Variants in EPHA6 observed in about 807,000 individuals in gnomAD.
EPHA6 encodes EPH receptor A6, also known as ephrin type-A receptor 6.
In EPHA6, 50 loss-of-function variants were observed where a neutral mutation model predicts 112.0. The observed-to-expected ratio is 0.45, with a 90% CI of 0.36 to 0.56. EPHA6 has a LOEUF of 0.56. EPHA6 is among the 20% of genes least tolerant of loss of function. The pLI, the probability that EPHA6 is intolerant of heterozygous loss-of-function variation, is 0.00. For synonymous variants in EPHA6, 529 were observed against 490.7 expected, an observed-to-expected ratio of 1.08 and a Z score of -1.03; for missense variants, 1,280 against 1,417.4, an observed-to-expected ratio of 0.90 and a Z score of 1.56.
chr3:97,341,286 A>T (rs912644408), intron 5 of EPHA6, among the ~76,000 whole-genome samples: 1 of 152,184 alleles, frequency 6.6e-6, no homozygotes, highest in African/African-American at 2.4e-5. Flanking sequence ...GGCTAAAAAA[A>T]AGCAAATTAG....
chr3:97,038,797 G>A lies in EPHA6; in HGVS notation c.1114+50804G>A, dbSNP rs866622364. ...TTTTCCAGTGTGGAAATTGTGAGTC[G>A]GGGGGAAATGTTCCACCTGCTAGGT... On this transcript the variant is annotated intron_variant, in intron 3 of 17. Coordinates refer to ENST00000389672, the MANE Select transcript of EPHA6 (RefSeq NM_001080448.3). Among the ~76,000 whole-genome samples the A allele has an allele frequency of 4.0e-5, 6 of 151,522 alleles. No individual in the cohort carries two copies. The Middle Eastern group carries it at 0.014, about 344-fold the overall frequency.
At chr3:97,575,427 T>C (rs1303422189) in intron 11 of EPHA6, among the ~76,000 whole-genome samples, 2 of 152,136 alleles carry the variant, frequency 1.3e-5, no homozygotes, top group Non-Finnish European at 2.9e-5. Context: ...GCAAGTTAAG[T>C]GCAGTATATA....
At chr3:97,371,344 A>C (rs2085041797) in intron 5 of EPHA6, among the ~76,000 whole-genome samples, 1 of 152,122 alleles carries the variant, frequency 6.6e-6, no homozygotes, top group Non-Finnish European at 1.5e-5. Context: ...GAAGAACATA[A>C]ATTGTGAAGA....
At chr3:97,459,621 G>A (rs751197123) in intron 7 of EPHA6, among the ~76,000 whole-genome samples, 6 of 152,140 alleles carry the variant, frequency 3.9e-5, no homozygotes, top group Admixed American at 3.3e-4. Context: ...ACAGCAGTGA[G>A]CTTCCCGTAA....
intron 11 of EPHA6, among the ~76,000 whole-genome samples, chr3:97,542,218 A>C (rs1435552178): frequency 2.6e-5 from 4 of 151,712 alleles, no homozygotes; most frequent in Non-Finnish European, 5.9e-5. Flanking sequence ...CATTAGGTAT[A>C]TCTCCTAATG....
At chr3:97,298,129 A>G (rs556500956) in intron 5 of EPHA6, among the ~76,000 whole-genome samples, 1 of 152,290 alleles carries the variant, frequency 6.6e-6, no homozygotes, top group East Asian at 1.9e-4. Flanking sequence ...CCTTTGATAG[A>G]TTTTTAAATC....
At chr3:97,027,807 AACT>A in intron 3 of EPHA6, among the ~76,000 whole-genome samples, 1 of 152,178 alleles carries the variant, frequency 6.6e-6, no homozygotes, top group South Asian at 2.1e-4. Flanking sequence ...TTGTGGCCGT[AACT>A]ACTATTAGGA....
intron 4 of EPHA6, among the ~76,000 whole-genome samples, chr3:97,236,772 AG>A (rs2078691662): frequency 6.6e-6 from 1 of 152,080 alleles, no homozygotes; most frequent in Non-Finnish European, 1.5e-5. Context: ...TGGTTTCTTT[AG>A]TGCTGGAATA....
At chr3:97,031,631 G>A (rs2108018007) in intron 3 of EPHA6, among the ~76,000 whole-genome samples, 1 of 152,238 alleles carries the variant, frequency 6.6e-6, no homozygotes, top group Non-Finnish European at 1.5e-5. Flanking sequence ...CAAAAAGTGG[G>A]CAAAGGACAT....
At position 97,181,587 on chromosome 3, in the gene EPHA6, G is replaced by A. The variant is rs527814620; in HGVS notation, c.1115-44677G>A. 4.1e-3 allele frequency among the ~76,000 whole-genome samples: 625 copies of A among 150,888 alleles called. 4 individuals are homozygous for A. Among genetic ancestry groups the A allele is most frequent in the African/African-American group, 0.014 (575 of 40,694 alleles). On this transcript the variant is annotated intron_variant, in intron 3 of 17. Coordinates refer to ENST00000389672, the MANE Select transcript of EPHA6 (RefSeq NM_001080448.3). ...AAATAGCAGAAGTGTATATATATAT[G>A]TGTGTGTGTGTATATATGTGTGTGT...
intron 2 of EPHA6, among the ~76,000 whole-genome samples, chr3:96,937,306 G>C (rs2040646375): frequency 6.6e-6 from 1 of 152,124 alleles, no homozygotes; most frequent in African/African-American, 2.4e-5. Flanking sequence ...ATTCTAATTG[G>C]TGTGAGATGG....
At chr3:97,360,137 C>G (rs563448624) in intron 5 of EPHA6, among the ~76,000 whole-genome samples, 2 of 152,268 alleles carry the variant, frequency 1.3e-5, no homozygotes, top group African/African-American at 4.8e-5. Flanking sequence ...CCCTGGCTCC[C>G]ACAAGCTGTG....
intron 3 of EPHA6, among the ~76,000 whole-genome samples, chr3:97,072,805 A>G (rs1011115105): frequency 1.3e-5 from 2 of 152,262 alleles, no homozygotes; most frequent in African/African-American, 2.4e-5. Flanking sequence ...GCCCATTACC[A>G]TAGGTTAACT....
chr3:96,866,137 A>G (rs2036297026), intron 1 of EPHA6, among the ~76,000 whole-genome samples: 4 of 152,110 alleles, frequency 2.6e-5, no homozygotes, highest in Admixed American at 2.0e-4. Flanking sequence ...ACCCAACTTT[A>G]GCTTAACTTA....
At chr3:97,124,880 A>G (rs1389912069) in intron 3 of EPHA6, among the ~76,000 whole-genome samples, 2 of 152,180 alleles carry the variant, frequency 1.3e-5, no homozygotes, top group African/African-American at 4.8e-5. Flanking sequence ...TTAGGTATCA[A>G]ATGCCAGCAA....
At chr3:97,377,054 T>G (rs1307447623) in intron 5 of EPHA6, among the ~76,000 whole-genome samples, 1 of 152,184 alleles carries the variant, frequency 6.6e-6, no homozygotes, top group African/African-American at 2.4e-5. Flanking sequence ...ATGCTAAATC[T>G]TGGAGATAAT....
At chr3:97,242,278 A>G (rs1169036180) in intron 4 of EPHA6, among the ~76,000 whole-genome samples, 1 of 151,650 alleles carries the variant, frequency 6.6e-6, no homozygotes, top group Non-Finnish European at 1.5e-5. Context: ...TACTTCATGC[A>G]TTCTCCCTCT....
intron 2 of EPHA6, among the ~76,000 whole-genome samples, chr3:96,899,435 A>G (rs975513015): frequency 6.6e-6 from 1 of 152,218 alleles, no homozygotes; most frequent in East Asian, 1.9e-4. Context: ...TTTGGGAAAA[A>G]CTACTACAAG....
intron 3 of EPHA6, among the ~76,000 whole-genome samples, chr3:97,103,028 C>A (rs1399078012): frequency 6.6e-6 from 1 of 151,970 alleles, no homozygotes; most frequent in African/African-American, 2.4e-5. Context: ...CTAGATATTA[C>A]ATCTTTGTCA....
Sources: gnomAD v4.1 joint callset for allele counts (sites outside exome capture counted in the v4.1 genomes callset) on GRCh38, gnomAD v4.1.1 for gene constraint, MANE v1.5 for transcripts, NCBI Gene and HGNC (gene_info 2026-07-23, HGNC 2026-07-21) for gene names.